RGS17: variants seen among roughly 807,000 people sequenced by gnomAD.
RGS17 encodes regulator of G-protein signaling 17.
RGS17 carries 12 observed loss-of-function variants against 25.5 expected under a neutral mutation model. The observed-to-expected ratio is 0.47, with a 90% CI of 0.30 to 0.76. RGS17 has a LOEUF of 0.76. Ranked by LOEUF, RGS17 falls within the 30% of genes least tolerant of loss-of-function variation. The pLI, the probability that RGS17 is intolerant of heterozygous loss-of-function variation, is 0.07. For missense variants in RGS17, 196 were observed against 242.2 expected, an observed-to-expected ratio of 0.81 and a Z score of 1.27; for synonymous variants, 71 against 76.9, an observed-to-expected ratio of 0.92 and a Z score of 0.40.
chr6:153,015,761 G>C (rs486490), intron 4 of RGS17, among the ~76,000 whole-genome samples: 117,341 of 151,664 alleles, frequency 0.77, 46,267 homozygotes, highest in African/African-American at 0.94. Context: ...TCACGCCATT[G>C]TCCTGCCTCA....
intron 1 of RGS17, among the ~76,000 whole-genome samples, chr6:153,058,203 G>A (rs2129114024): frequency 6.6e-6 from 1 of 152,324 alleles, no homozygotes; most frequent in South Asian, 2.1e-4. Context: ...ACACTGAGGA[G>A]AGTTGTTCAT....
chr6:153,129,105 T>C (rs192958411), intron 1 of RGS17, among the ~76,000 whole-genome samples: 2 of 152,328 alleles, frequency 1.3e-5, no homozygotes, highest in African/African-American at 2.4e-5. Context: ...TCTTATTTAA[T>C]AAGTAATACC....
intron 2 of RGS17, among the ~76,000 whole-genome samples, chr6:153,031,494 G>A (rs548832318): frequency 5.3e-5 from 8 of 152,122 alleles, no homozygotes; most frequent in Non-Finnish European, 1.0e-4. Flanking sequence ...GTCCTTGAAG[G>A]TAAGCAGCAG....
chr6:153,108,378 C>T (rs375151139), intron 1 of RGS17, among the ~76,000 whole-genome samples: 42 of 152,190 alleles, frequency 2.8e-4, no homozygotes, highest in African/African-American at 9.9e-4. Context: ...AAATGTACCT[C>T]AGAATACTAG....
intron 4 of RGS17, among the ~76,000 whole-genome samples, chr6:153,015,899 T>C (rs487560): frequency 0.77 from 116,232 of 151,934 alleles, 45,402 homozygotes; most frequent in African/African-American, 0.94. Flanking sequence ...GTGATCTGCC[T>C]GCCTCGGCCT....
At chr6:153,078,596 T>G (rs1260974627) in intron 1 of RGS17, among the ~76,000 whole-genome samples, 1 of 113,990 alleles carries the variant, frequency 8.8e-6, no homozygotes, top group African/African-American at 3.1e-5. Context: ...GTCATAATTT[T>G]ATATAGTAAA....
intron 1 of RGS17, among the ~76,000 whole-genome samples, chr6:153,059,454 C>T (rs997109853): frequency 1.3e-5 from 2 of 152,142 alleles, no homozygotes; most frequent in African/African-American, 4.8e-5. Flanking sequence ...TGACTATGCC[C>T]TTTAGGGGGT....
intron 1 of RGS17, among the ~76,000 whole-genome samples, chr6:153,101,052 G>A (rs1364439051): frequency 6.6e-6 from 1 of 152,020 alleles, no homozygotes; most frequent in African/African-American, 2.4e-5. Flanking sequence ...GCTCAAACTC[G>A]GTTAAACTTA....
rs538640077 is a variant in RGS17, at chr6:153,085,664, A to G, written c.-25-41621T>C. On this transcript the variant is annotated intron_variant, in intron 1 of 4. Transcript: ENST00000206262. ...CTTTTGAGTAGCACAACTCTGAAAG[A>G]AAAATCACAAAATGTCTGATTCTCT... 5.9e-5 allele frequency among the ~76,000 whole-genome samples: 9 copies of G among 152,362 alleles called. No individual in the cohort carries two copies. In the South Asian group the frequency reaches 1.2e-3, roughly 21 times the overall value.
At chr6:153,060,456 T>A (rs932769966) in intron 1 of RGS17, among the ~76,000 whole-genome samples, 2 of 152,192 alleles carry the variant, frequency 1.3e-5, no homozygotes, top group East Asian at 1.9e-4. Flanking sequence ...CACTGCTCCA[T>A]CTTCTTTGGC....
At chr6:153,127,300 A>G (rs2129127865) in intron 1 of RGS17, among the ~76,000 whole-genome samples, 1 of 152,332 alleles carries the variant, frequency 6.6e-6, no homozygotes, top group South Asian at 2.1e-4. Flanking sequence ...GTTCTAGAAT[A>G]TGATTCAAAT....
At position 153,101,216 on chromosome 6, in the gene RGS17, C is replaced by T. The variant is rs79685673; in HGVS notation, c.-26+29908G>A. ...CTCTATACAGTTGACCCTTGAACAA[C>T]ACGGATTTGAACTGCGGAGTCCACT... On this transcript the variant is annotated intron_variant, in intron 1 of 4. Coordinates refer to ENST00000206262, the MANE Select transcript of RGS17 (RefSeq NM_012419.5). Among the ~76,000 whole-genome samples the T allele has an allele frequency of 8.6e-3, 1,303 of 152,314 alleles. 17 individuals are homozygous for T. Among genetic ancestry groups the T allele is most frequent in the African/African-American group, 0.03 (1,236 of 41,568 alleles).
chr6:153,046,026 C>A (rs952746747), intron 1 of RGS17, among the ~76,000 whole-genome samples: 2 of 152,002 alleles, frequency 1.3e-5, no homozygotes, highest in African/African-American at 4.8e-5. Flanking sequence ...AATAATGAAA[C>A]CCTGTCATTC....
intron 4 of RGS17, among the ~76,000 whole-genome samples, chr6:153,020,138 ATTTTTTTTTTTTTTTTTT>A (rs35590788): frequency 1.3e-4 from 5 of 39,278 alleles, no homozygotes; most frequent in African/African-American, 4.6e-4. Context: ...ATATATATAT[ATTTTTTTTTTTTTTTTTT>A]TTTTTTTTTT....
At chr6:153,013,422 C>G in intron 4 of RGS17, among the ~76,000 whole-genome samples, 1 of 152,160 alleles carries the variant, frequency 6.6e-6, no homozygotes, top group East Asian at 1.9e-4. Flanking sequence ...CTATTTCCCA[C>G]AGAGAAAACA....
chr6:153,106,741 C>T (rs948532010), intron 1 of RGS17, among the ~76,000 whole-genome samples: 2 of 152,024 alleles, frequency 1.3e-5, no homozygotes, highest in African/African-American at 4.8e-5. Context: ...CTCCCGGTTT[C>T]AAGCAATTCT....
At chr6:153,012,264 C>T (rs1779141974) in intron 4 of RGS17, among the ~76,000 whole-genome samples, 1 of 152,166 alleles carries the variant, frequency 6.6e-6, no homozygotes. Context: ...AAGTAGGAAA[C>T]CAAGAGTGTG....
intron 1 of RGS17, among the ~76,000 whole-genome samples, chr6:153,054,958 A>T (rs1213964557): frequency 6.6e-6 from 1 of 152,224 alleles, no homozygotes; most frequent in Non-Finnish European, 1.5e-5. Context: ...CTGTGTTTCC[A>T]GTCTAAACTT....
At position 153,024,346 on chromosome 6, in the gene RGS17, T is replaced by G; in HGVS notation, c.360A>C (p.Leu120Phe). 6.2e-7 allele frequency: 1 copy of G among 1,614,162 alleles called. No homozygotes were observed. Residue 120 changes from leucine to phenylalanine, a missense_variant, in exon 4 of 5, where the codon TTA becomes TTC. Coordinates refer to ENST00000206262, the MANE Select transcript of RGS17 (RefSeq NM_012419.5). The part of the protein sequence containing the change: ...NLLFWLACED[L>F]KKEQNKKVIE... The stretch of plus-strand genomic sequence containing the variant: ...TTACTTTTTTGTTCTGCTCCTTCTT[T>G]AAGTCTTCACAAGCAAGCCAGAAAA...
Sources: gnomAD v4.1 joint callset for allele counts (sites outside exome capture counted in the v4.1 genomes callset) on GRCh38, gnomAD v4.1.1 for gene constraint, MANE v1.5 for transcripts, NCBI Gene and HGNC (gene_info 2026-07-23, HGNC 2026-07-21) for gene names.